Variants in ADGRL4 observed in about 807,000 individuals in gnomAD.
ADGRL4 encodes EGF, latrophilin and seven transmembrane domain containing 1.
A neutral mutation model predicts 74.8 loss-of-function variants in ADGRL4; 90 were observed. That is an observed-to-expected ratio of 1.20 (90% confidence interval 1.02 to 1.43). The LOEUF is 1.43. Among genes scored for constraint, ADGRL4 ranks in the 40% most tolerant of loss-of-function variants. The probability of loss-of-function intolerance (pLI) is 0.00; values close to 1 mark genes in which losing one functional copy is unlikely to be tolerated. For synonymous variants in ADGRL4, 311 were observed against 279.2 expected, an observed-to-expected ratio of 1.11 and a Z score of -1.14; for missense variants, 881 against 814.3, an observed-to-expected ratio of 1.08 and a Z score of -1.00.
chr1:78,949,956 G>C (rs958712193), intron 2 of ADGRL4, among the ~76,000 whole-genome samples: 2 of 151,996 alleles, frequency 1.3e-5, no homozygotes, highest in Non-Finnish European at 2.9e-5. Context: ...AGTTAAGCAC[G>C]GCAAGAACAC....
chr1:78,960,089 A>C (rs1432033299), intron 2 of ADGRL4, among the ~76,000 whole-genome samples: 5 of 152,296 alleles, frequency 3.3e-5, no homozygotes, highest in South Asian at 4.1e-4. Flanking sequence ...ACAAAGATGA[A>C]TCTCATCCCT....
intron 2 of ADGRL4, among the ~76,000 whole-genome samples, chr1:78,971,276 CTTTT>C (rs889037808): frequency 1.1e-4 from 16 of 151,942 alleles, no homozygotes. Flanking sequence ...AGATATACTT[CTTTT>C]TTTTATTATT....
At chr1:78,897,315 T>C (rs954191080) in intron 12 of ADGRL4, among the ~76,000 whole-genome samples, 1 of 152,114 alleles carries the variant, frequency 6.6e-6, no homozygotes, top group Non-Finnish European at 1.5e-5. Context: ...GATAAGTCAG[T>C]TTAGAGAGAA....
chr1:78,966,757 G>A (rs1042387235), intron 2 of ADGRL4, among the ~76,000 whole-genome samples: 3 of 152,070 alleles, frequency 2.0e-5, no homozygotes, highest in East Asian at 1.9e-4. Flanking sequence ...CCCTGGTGGT[G>A]GAGGCACCAT....
chr1:78,985,331 G>T (rs2100729466), intron 2 of ADGRL4, among the ~76,000 whole-genome samples: 1 of 151,784 alleles, frequency 6.6e-6, no homozygotes, highest in Middle Eastern at 3.4e-3. Flanking sequence ...GGCTTACAAA[G>T]TAAGGATTTG....
In ADGRL4 at chr1:78,891,048, A is replaced by G; in HGVS notation, c.*106T>C. The G allele has an allele frequency of 1.8e-6, 2 of 1,104,830 alleles. No individual in the cohort carries two copies. Among genetic ancestry groups the G allele is most frequent in the Non-Finnish European group, 2.8e-6 (2 of 723,600 alleles). 68.4% of individuals were successfully genotyped at this position (1,104,830 alleles called of 1,614,324 possible). A position where few individuals can be genotyped will look rare whatever the true frequency, so the allele number is the denominator to read the frequency against. ...AACTGATTTAAAATACTTTTTGTCT[A>G]GTAGTTAATAATTGGATAATTTGAT... is the stretch of plus-strand genomic sequence containing the variant. On this transcript the variant is annotated 3_prime_UTR_variant, in exon 15 of 15. Coordinates refer to ENST00000370742, the MANE Select transcript of ADGRL4 (RefSeq NM_022159.4).
At chr1:78,982,566 T>G (rs78097309) in intron 2 of ADGRL4, among the ~76,000 whole-genome samples, 2,243 of 151,996 alleles carry the variant, frequency 0.015, 58 homozygotes, top group African/African-American at 0.052. Context: ...CTAGCTTCCT[T>G]TATGCTCATA....
At chr1:78,987,289 A>G (rs985298879) in intron 2 of ADGRL4, among the ~76,000 whole-genome samples, 1 of 151,806 alleles carries the variant, frequency 6.6e-6, no homozygotes, top group Non-Finnish European at 1.5e-5. Context: ...ACGCACTCCA[A>G]AGTGTGTGCA....
At chr1:78,993,016 A>C (rs1650639058) in intron 2 of ADGRL4, among the ~76,000 whole-genome samples, 1 of 152,106 alleles carries the variant, frequency 6.6e-6, no homozygotes, top group Non-Finnish European at 1.5e-5. Flanking sequence ...TAAACATGTA[A>C]ATTTTAGTTG....
intron 2 of ADGRL4, among the ~76,000 whole-genome samples, chr1:78,965,885 A>G (rs958157967): frequency 6.6e-6 from 1 of 152,160 alleles, no homozygotes; most frequent in Admixed American, 6.5e-5. Flanking sequence ...ACTCTAAAAT[A>G]TTAAGCAAGG....
chr1:78,899,827 T>C (rs1425401017), intron 12 of ADGRL4, among the ~76,000 whole-genome samples: 1 of 152,078 alleles, frequency 6.6e-6, no homozygotes, highest in Non-Finnish European at 1.5e-5. Flanking sequence ...ACAATGCTTA[T>C]CACAGAGTAT....
chr1:78,904,548 A>G (rs1199766953), intron 12 of ADGRL4, among the ~76,000 whole-genome samples: 1 of 152,052 alleles, frequency 6.6e-6, no homozygotes, highest in East Asian at 1.9e-4. Context: ...TCAAGATATA[A>G]ACATACATTT....
intron 3 of ADGRL4, among the ~76,000 whole-genome samples, chr1:78,943,134 A>G (rs1649527090): frequency 6.6e-6 from 1 of 152,160 alleles, no homozygotes; most frequent in Non-Finnish European, 1.5e-5. Flanking sequence ...CAATTATAGT[A>G]AATTATTTTC....
In ADGRL4 at chr1:79,005,234, G is replaced by T. The variant is rs1650934577; in HGVS notation, c.23-15C>A. 12 of 1,577,696 alleles carry T rather than the reference G, an allele frequency of 7.6e-6. No homozygotes were observed. Among genetic ancestry groups the T allele is most frequent in the Non-Finnish European group, 1.0e-5 (12 of 1,161,978 alleles). On this transcript the variant is annotated splice_polypyrimidine_tract_variant and intron_variant, in intron 1 of 14. Transcript: ENST00000370742. ...GGAAAAAACCACTAAATAAAATAGA[G>T]AAATACACCTTTTCAAAAAGTAAAA...
Position 78,920,163 on chromosome 1 carries a change from A to G in ADGRL4, c.1461+20T>C. 1 of 1,573,294 alleles carries G rather than the reference A, an allele frequency of 6.4e-7. No individual in the cohort carries two copies. The highest frequency in any genetic ancestry group is 8.7e-7 in the Non-Finnish European group (1 of 1,151,662). ...TACACATATCATAGGACAAAAATAGAGATTAGGATGCCTACATACCTTATT... is the reference window on the plus strand; with the variant it reads ...TACACATATCATAGGACAAAAATAGGGATTAGGATGCCTACATACCTTATT... On this transcript the variant is annotated intron_variant, in intron 10 of 14. Transcript: ENST00000370742.
chr1:78,986,861 G>A (rs897232932), intron 2 of ADGRL4, among the ~76,000 whole-genome samples: 2 of 151,750 alleles, frequency 1.3e-5, no homozygotes, highest in South Asian at 4.1e-4. Context: ...TAGTAAAAAT[G>A]TATCTTGGAT....
intron 2 of ADGRL4, among the ~76,000 whole-genome samples, chr1:78,962,086 C>T (rs11801058): frequency 2.6e-5 from 4 of 152,042 alleles, no homozygotes; most frequent in East Asian, 2.0e-4. Context: ...TCACCATGTT[C>T]GTCAGGCTGG....
At chr1:78,912,466 T>C (rs1341902606) in intron 12 of ADGRL4, among the ~76,000 whole-genome samples, 2 of 151,834 alleles carry the variant, frequency 1.3e-5, no homozygotes, top group Non-Finnish European at 2.9e-5. Flanking sequence ...AGCATTAGCT[T>C]CTCATAGGAG....
intron 7 of ADGRL4, among the ~76,000 whole-genome samples, chr1:78,934,460 A>C (rs920198856): frequency 2.0e-5 from 3 of 152,194 alleles, no homozygotes; most frequent in African/African-American, 4.8e-5. Flanking sequence ...CTAGAAGAAA[A>C]TGTAGGTAAT....
Sources: allele counts gnomAD v4.1 joint callset (sites outside exome capture counted in the v4.1 genomes callset), GRCh38; gene constraint gnomAD v4.1.1; transcripts MANE v1.5; gene names NCBI Gene and HGNC (gene_info 2026-07-23, HGNC 2026-07-21).